The following SCFD2 variants were observed in gnomAD, a reference collection of about 807,000 sequenced individuals.
The protein encoded by SCFD2 is sec1 family domain containing 2.
A neutral mutation model predicts 58.9 loss-of-function variants in SCFD2; 54 were observed. That is an observed-to-expected ratio of 0.92 (90% confidence interval 0.74 to 1.15). The LOEUF is 1.15. Among genes scored for constraint, SCFD2 ranks in the 50% most tolerant of loss-of-function variants. The pLI is 0.00. For missense variants in SCFD2, 805 were observed against 836.6 expected (o/e 0.96, Z 0.47); for synonymous variants, 321 against 335.9 (o/e 0.96, Z 0.49).
At position 53,117,219 on chromosome 4, in the gene SCFD2, C is replaced by T. The variant is rs1725349739; in HGVS notation, c.1561+28114G>A. Among the ~76,000 whole-genome samples the T allele has an allele frequency of 2.6e-5, 4 of 152,304 alleles. No individual in the cohort carries two copies. In the South Asian group the frequency reaches 8.3e-4, roughly 32 times the overall value. ...CACAGGAGTAGCACAAGAGGGGCCACATTTTAACCTACCACTTCCTGTGAT... is the reference window on the plus strand; with the variant it reads ...CACAGGAGTAGCACAAGAGGGGCCATATTTTAACCTACCACTTCCTGTGAT... On this transcript the variant is annotated intron_variant, in intron 5 of 8. Coordinates refer to ENST00000401642, the MANE Select transcript of SCFD2 (RefSeq NM_152540.4).
rs750451175 is a variant in SCFD2 at position 53,352,695 on chromosome 4, T to C, written c.910A>G (p.Thr304Ala). ...ISALPQLPGH[T>A]NDVMVNMIAL... The stretch of plus-strand genomic sequence containing the variant: ...ATCATGTTAACCATCACATCATTTG[T>C]GTGGCCTGGGAGCTGGGGAAGTGCT... Residue 304 changes from threonine to alanine, a missense_variant, in exon 2 of 9, where the codon ACA becomes GCA. Physicochemically the swap from Thr to Ala is moderately conservative, Grantham distance 58. Coordinates refer to ENST00000401642, the MANE Select transcript of SCFD2 (RefSeq NM_152540.4). 4.3e-5 allele frequency: 69 copies of C among 1,613,994 alleles called. No individual in the cohort carries two copies. Among genetic ancestry groups the C allele is most frequent in the Middle Eastern group, 1.6e-4 (1 of 6,084 alleles).
intron 5 of SCFD2, among the ~76,000 whole-genome samples, chr4:52,941,010 G>A (rs577057717): frequency 7.2e-4 from 109 of 151,756 alleles, no homozygotes; most frequent in Non-Finnish European, 1.2e-3. Context: ...TGATTCCCCC[G>A]GTCCTAGATA....
At chr4:53,022,614 T>G (rs1722376072) in intron 5 of SCFD2, among the ~76,000 whole-genome samples, 1 of 152,192 alleles carries the variant, frequency 6.6e-6, no homozygotes, top group South Asian at 2.1e-4. Flanking sequence ...TTTGGATCCC[T>G]GCTCTGCGTG....
chr4:53,336,379 A>C (rs191690259), intron 2 of SCFD2, among the ~76,000 whole-genome samples: 1 of 152,158 alleles, frequency 6.6e-6, no homozygotes, highest in African/African-American at 2.4e-5. Context: ...CTTTTAGAGT[A>C]AAAGAAAAAA....
intron 4 of SCFD2, among the ~76,000 whole-genome samples, chr4:53,205,098 G>A (rs1261361687): frequency 6.6e-6 from 1 of 152,078 alleles, no homozygotes; most frequent in East Asian, 1.9e-4. Context: ...AAGCGAGGAA[G>A]ATATGGCATG....
At chr4:52,902,716 G>T (rs1377070861) in intron 7 of SCFD2, among the ~76,000 whole-genome samples, 1 of 152,094 alleles carries the variant, frequency 6.6e-6, no homozygotes, top group South Asian at 2.1e-4. Context: ...TCTCATAATA[G>T]CCCCCCAAAG....
In SCFD2 at chr4:53,067,653, T is replaced by C. The variant is rs186393235; in HGVS notation, c.1561+77680A>G. 3.9e-5 allele frequency among the ~76,000 whole-genome samples: 6 copies of C among 152,200 alleles called. No individual in the cohort carries two copies. In the East Asian group the frequency reaches 9.7e-4, roughly 25 times the overall value. Reference sequence around the variant, plus strand: ...TTCATTCTTCTCTCACCTGCTGTCATGTGAAGAAGGACATGTTTGCTTCCC... The same window carrying C: ...TTCATTCTTCTCTCACCTGCTGTCACGTGAAGAAGGACATGTTTGCTTCCC... On this transcript the variant is annotated intron_variant, in intron 5 of 8. Coordinates refer to ENST00000401642, the MANE Select transcript of SCFD2 (RefSeq NM_152540.4).
At chr4:52,897,037 C>A (rs771660640) in intron 7 of SCFD2, among the ~76,000 whole-genome samples, 5 of 152,232 alleles carry the variant, frequency 3.3e-5, no homozygotes, top group African/African-American at 4.8e-5. Flanking sequence ...AGTTACTTAT[C>A]AGCTGAAGGA....
At chr4:53,334,896 T>A (rs571144753) in intron 2 of SCFD2, among the ~76,000 whole-genome samples, 1 of 152,156 alleles carries the variant, frequency 6.6e-6, no homozygotes. Context: ...ATGTTCCACC[T>A]GATGGGATGC....
chr4:53,079,347 A>T (rs1481167957), intron 5 of SCFD2, among the ~76,000 whole-genome samples: 1 of 152,192 alleles, frequency 6.6e-6, no homozygotes, highest in Non-Finnish European at 1.5e-5. Context: ...TACACAGTCT[A>T]CCAATTCAAA....
chr4:53,254,086 C>T (rs1451291948), intron 4 of SCFD2, among the ~76,000 whole-genome samples: 2 of 152,034 alleles, frequency 1.3e-5, no homozygotes, highest in Non-Finnish European at 2.9e-5. Context: ...ACACTGGGGC[C>T]TACCTGAGGG....
chr4:53,148,493 A>C lies in SCFD2; in HGVS notation c.1312-2911T>G, dbSNP rs972405390. Among the ~76,000 whole-genome samples, 268 of 152,304 alleles carry C rather than the reference A, an allele frequency of 1.8e-3. 1 individual carries two copies. Among genetic ancestry groups the C allele is most frequent in the Non-Finnish European group, 5.9e-4 (40 of 68,028 alleles). On this transcript the variant is annotated intron_variant, in intron 4 of 8. Coordinates refer to ENST00000401642, the MANE Select transcript of SCFD2 (RefSeq NM_152540.4). ...GTGGAATAAACAGACTCTATTTCAA[A>C]AAAGCTAGATTCCAACCCCGATTGT... is the stretch of plus-strand genomic sequence containing the variant.
chr4:53,313,469 C>T (rs1266747726), intron 3 of SCFD2, among the ~76,000 whole-genome samples, 167 bp downstream of exon 3: 2 of 152,176 alleles, frequency 1.3e-5, no homozygotes, highest in Non-Finnish European at 2.9e-5. Flanking sequence ...GTGGTCATTG[C>T]TGAGCCCAAG....
intron 5 of SCFD2, among the ~76,000 whole-genome samples, chr4:53,126,972 G>A (rs1004254967): frequency 5.3e-5 from 8 of 151,972 alleles, no homozygotes; most frequent in East Asian, 1.9e-4. Flanking sequence ...GTACCTGACC[G>A]GAAAACAAGA....
At chr4:53,029,596 T>C (rs1472471317) in intron 5 of SCFD2, among the ~76,000 whole-genome samples, 1 of 152,238 alleles carries the variant, frequency 6.6e-6, no homozygotes, top group African/African-American at 2.4e-5. Context: ...GAACTTCATT[T>C]CTTGGGTAAA....
At chr4:53,111,621 T>A (rs1313795944) in intron 5 of SCFD2, among the ~76,000 whole-genome samples, 1 of 152,154 alleles carries the variant, frequency 6.6e-6, no homozygotes, top group East Asian at 1.9e-4. Context: ...GAAAGGGTAA[T>A]CAATTGTGTA....
intron 5 of SCFD2, among the ~76,000 whole-genome samples, chr4:52,992,854 G>A (rs1368092480): frequency 6.6e-6 from 1 of 152,266 alleles, no homozygotes; most frequent in Non-Finnish European, 1.5e-5. Context: ...TCTGGGAAGT[G>A]AGGAGCCCCT....
At chr4:53,342,187 A>C (rs1490558472) in intron 2 of SCFD2, among the ~76,000 whole-genome samples, 2 of 152,224 alleles carry the variant, frequency 1.3e-5, no homozygotes, top group African/African-American at 4.8e-5. Flanking sequence ...GTCAAGACCC[A>C]TCACTGTGCT....
intron 2 of SCFD2, among the ~76,000 whole-genome samples, chr4:53,337,424 T>C (rs1733718956): frequency 6.6e-6 from 1 of 152,188 alleles, no homozygotes; most frequent in Non-Finnish European, 1.5e-5. Flanking sequence ...CTTCAACATA[T>C]GAACTTGGGA....
Sources: allele counts gnomAD v4.1 joint callset (sites outside exome capture counted in the v4.1 genomes callset), GRCh38; gene constraint gnomAD v4.1.1; transcripts MANE v1.5; gene names NCBI Gene and HGNC (gene_info 2026-07-23, HGNC 2026-07-21).